The following DNM3 variants were observed in gnomAD, a reference collection of about 807,000 sequenced individuals.
DNM3 encodes the protein dynamin-3.
Under a neutral mutation model 101.6 loss-of-function variants are expected in DNM3, and 47 were observed. The observed-to-expected ratio is 0.46, with a 90% CI of 0.37 to 0.59. The LOEUF (loss-of-function observed/expected upper bound fraction) is 0.59. Among genes scored for constraint, DNM3 ranks in the 20% least tolerant of loss-of-function variants. The pLI, the probability that DNM3 is intolerant of heterozygous loss-of-function variation, is 0.00. For missense variants in DNM3, 849 were observed against 1,085.7 expected, an observed-to-expected ratio of 0.78 and a Z score of 3.06; for synonymous variants, 385 against 387.9, an observed-to-expected ratio of 0.99 and a Z score of 0.09.
intron 1 of DNM3, among the ~76,000 whole-genome samples, chr1:171,907,201 C>T (rs1292775889): frequency 2.6e-5 from 4 of 152,288 alleles, no homozygotes; most frequent in East Asian, 1.9e-4. Flanking sequence ...CCTTTAAAAA[C>T]GTAAGTCAGG....
intron 4 of DNM3, among the ~76,000 whole-genome samples, chr1:171,999,371 TG>T (rs2125663955): frequency 6.6e-6 from 1 of 152,278 alleles, no homozygotes; most frequent in Non-Finnish European, 1.5e-5. Flanking sequence ...GTTAAGTGGT[TG>T]TGTCATTTAC....
chr1:172,238,365 A>AGG (rs1252292531), intron 14 of DNM3, among the ~76,000 whole-genome samples: 1 of 152,140 alleles, frequency 6.6e-6, no homozygotes, highest in African/African-American at 2.4e-5. Flanking sequence ...GGGCAACCTA[A>AGG]GCCAAGAACC....
intron 11 of DNM3, among the ~76,000 whole-genome samples, chr1:172,081,307 T>C (rs2053126820): frequency 1.3e-5 from 2 of 152,196 alleles, no homozygotes; most frequent in Non-Finnish European, 2.9e-5. Context: ...TATTGACTTT[T>C]TGAGTTGGCT....
At chr1:172,001,276 G>T (rs1405200116) in intron 4 of DNM3, among the ~76,000 whole-genome samples, 2 of 151,966 alleles carry the variant, frequency 1.3e-5, no homozygotes, top group African/African-American at 4.8e-5. Context: ...GTATAATAAA[G>T]ACATTATGTT....
intron 2 of DNM3, among the ~76,000 whole-genome samples, chr1:171,948,090 C>T (rs1426348679): frequency 1.3e-5 from 2 of 152,184 alleles, no homozygotes; most frequent in South Asian, 2.1e-4. Flanking sequence ...TCAGTAAGTT[C>T]GGAGTGCTTT....
intron 15 of DNM3, among the ~76,000 whole-genome samples, chr1:172,275,169 A>G (rs780965962): frequency 2.0e-5 from 3 of 152,136 alleles, no homozygotes; most frequent in Non-Finnish European, 4.4e-5. Flanking sequence ...AGAACCATTC[A>G]AAGTGTATAT....
chr1:171,894,407 TTTTA>T (rs1389709255), intron 1 of DNM3, among the ~76,000 whole-genome samples: 1 of 152,094 alleles, frequency 6.6e-6, no homozygotes, highest in Non-Finnish European at 1.5e-5. Context: ...TTTTATTTTA[TTTTA>T]TTTATTTTTT....
chr1:171,950,284 T>A (rs1341185126), intron 2 of DNM3, among the ~76,000 whole-genome samples: 1 of 152,224 alleles, frequency 6.6e-6, no homozygotes, highest in Non-Finnish European at 1.5e-5. Context: ...TTGTTGACTT[T>A]ATGATGGTGT....
At chr1:172,014,072 AAC>A (rs1398875521) in intron 4 of DNM3, among the ~76,000 whole-genome samples, 4 of 152,106 alleles carry the variant, frequency 2.6e-5, no homozygotes, top group African/African-American at 4.8e-5. Context: ...CAGACACTTG[AAC>A]ACACATGTTT....
intron 1 of DNM3, among the ~76,000 whole-genome samples, chr1:171,907,509 A>G (rs1405716396): frequency 6.6e-6 from 1 of 151,538 alleles, no homozygotes; most frequent in Non-Finnish European, 1.5e-5. Context: ...AAAAAAAAAG[A>G]AGTAAGTCAG....
At chr1:172,253,014 A>G (rs543030308) in intron 14 of DNM3, among the ~76,000 whole-genome samples, 18 of 152,206 alleles carry the variant, frequency 1.2e-4, no homozygotes, top group African/African-American at 4.3e-4. Context: ...TTTATGCTTT[A>G]TCATAGTTTA....
chr1:172,029,994 T>C (rs1052995561), intron 4 of DNM3, among the ~76,000 whole-genome samples: 9 of 152,174 alleles, frequency 5.9e-5, no homozygotes, highest in Non-Finnish European at 1.2e-4. Flanking sequence ...AAGTAATTTA[T>C]AGATTCAGTG....
chr1:172,187,928 C>A (rs1242385593), intron 14 of DNM3, among the ~76,000 whole-genome samples: 1 of 151,992 alleles, frequency 6.6e-6, no homozygotes, highest in Non-Finnish European at 1.5e-5. Context: ...GAGAAATAAT[C>A]TTGCTTTAGG....
intron 1 of DNM3, among the ~76,000 whole-genome samples, chr1:171,871,695 A>G (rs1468920425): frequency 1.3e-5 from 2 of 152,126 alleles, no homozygotes; most frequent in African/African-American, 4.8e-5. Context: ...TAAAATTTTA[A>G]TTGTTGCTTT....
downstream of DNM3, chr1:172,412,797 C>CTCTT: frequency 2.1e-6 from 2 of 934,258 alleles, no homozygotes; most frequent in Non-Finnish European, 2.6e-6. Flanking sequence ...ATATTTATAG[C>CTCTT]TCTTTTGATT....
chr1:172,261,970 G>A (rs1221696042), intron 15 of DNM3, among the ~76,000 whole-genome samples: 1 of 152,184 alleles, frequency 6.6e-6, no homozygotes, highest in Non-Finnish European at 1.5e-5. Flanking sequence ...GGTAAAGGGG[G>A]AAGGAGTGGA....
At chr1:172,299,993 A>G (rs1275113700) in intron 15 of DNM3, among the ~76,000 whole-genome samples, 1 of 152,158 alleles carries the variant, frequency 6.6e-6, no homozygotes, top group East Asian at 1.9e-4. Flanking sequence ...ACTAATTTAC[A>G]TTCCTACCAA....
chr1:172,007,139 A>T (rs1172125362), intron 4 of DNM3, among the ~76,000 whole-genome samples: 1 of 152,072 alleles, frequency 6.6e-6, no homozygotes. Flanking sequence ...CAAGTTTTCC[A>T]TGTTCATATG....
chr1:172,089,807 C>A (rs1305438723), intron 12 of DNM3, among the ~76,000 whole-genome samples: 2 of 152,098 alleles, frequency 1.3e-5, no homozygotes, highest in African/African-American at 4.8e-5. Context: ...TTGTCTTTAT[C>A]TAGTGTAGCT....
Sources: gnomAD v4.1 joint callset for allele counts (sites outside exome capture counted in the v4.1 genomes callset) on GRCh38, gnomAD v4.1.1 for gene constraint, MANE v1.5 for transcripts, NCBI Gene and HGNC (gene_info 2026-07-23, HGNC 2026-07-21) for gene names.